Variants in CDH8 observed in about 807,000 individuals in gnomAD.
CDH8 encodes the protein cadherin 8.
Under a neutral mutation model 68.1 loss-of-function variants are expected in CDH8, and 17 were observed. That is an observed-to-expected ratio of 0.25 (90% confidence interval 0.17 to 0.37). The LOEUF (loss-of-function observed/expected upper bound fraction) is 0.37. Ranked by LOEUF, CDH8 falls within the 10% of genes least tolerant of loss-of-function variation. The pLI, the probability that CDH8 is intolerant of heterozygous loss-of-function variation, is 1.00. For missense variants in CDH8, 763 were observed against 999.3 expected (o/e 0.76, Z 3.19); for synonymous variants, 372 against 365.1 (o/e 1.02, Z -0.21).
rs1026892218 is a variant in CDH8, at chr16:61,964,635, T to G, written c.252+56517A>C. ...TCCTAGCTCAACTCTTGAGTGGGTC[T>G]GTGGCCTTGAGTATAGCACTGCTTT... is the stretch of plus-strand genomic sequence containing the variant. On this transcript the variant is annotated intron_variant, in intron 2 of 11. Transcript: ENST00000577390. Among the ~76,000 whole-genome samples the G allele has an allele frequency of 3.3e-5, 5 of 152,108 alleles. No individual in the cohort carries two copies. The East Asian group carries it at 9.7e-4, about 29-fold the overall frequency.
At chr16:61,796,408 T>C (rs1197718126) in intron 7 of CDH8, among the ~76,000 whole-genome samples, 1 of 152,038 alleles carries the variant, frequency 6.6e-6, no homozygotes, top group African/African-American at 2.4e-5. Flanking sequence ...AGCATGCACA[T>C]TGGAGAGTCA....
chr16:61,931,342 T>C (rs1250619919), intron 2 of CDH8, among the ~76,000 whole-genome samples: 1 of 152,104 alleles, frequency 6.6e-6, no homozygotes, highest in Non-Finnish European at 1.5e-5. Context: ...TTTTAAAAAA[T>C]AATTATTATT....
intron 3 of CDH8, among the ~76,000 whole-genome samples, chr16:61,858,695 G>A (rs1963095365): frequency 6.6e-6 from 1 of 152,172 alleles, no homozygotes; most frequent in Non-Finnish European, 1.5e-5. Flanking sequence ...AAACTGGACA[G>A]AAGCATCTGG....
At chr16:61,943,532 A>C (rs140140469) in intron 2 of CDH8, among the ~76,000 whole-genome samples, 2 of 152,238 alleles carry the variant, frequency 1.3e-5, no homozygotes, top group South Asian at 4.1e-4. Flanking sequence ...TAGAGTGGTC[A>C]TTCTACTCTG....
intron 8 of CDH8, among the ~76,000 whole-genome samples, chr16:61,755,980 C>A (rs1960305448): frequency 6.6e-6 from 1 of 152,056 alleles, no homozygotes; most frequent in Admixed American, 6.6e-5. Context: ...ACAACCACGC[C>A]TGGCTAATGT....
At chr16:61,970,202 G>A (rs544746656) in intron 2 of CDH8, among the ~76,000 whole-genome samples, 73 of 152,254 alleles carry the variant, frequency 4.8e-4, no homozygotes, top group Non-Finnish European at 7.9e-4. Flanking sequence ...AGCTTAATGT[G>A]CTGATGTAGA....
chr16:61,652,609 T>C lies in CDH8; in HGVS notation c.*999A>G. 9.7e-7 allele frequency: 1 copy of C among 1,027,430 alleles called. No individual in the cohort carries two copies. The highest frequency in any genetic ancestry group is 1.7e-5 in the African/African-American group (1 of 60,258). 63.6% of individuals were successfully genotyped at this position (1,027,430 alleles called of 1,614,324 possible). A position where few individuals can be genotyped will look rare whatever the true frequency, so the allele number is the denominator to read the frequency against. Reference sequence around the variant, plus strand: ...CTGCCATACTCATCTCATCAAAATGTACATGTATTAAACATTCATTGTATA... The same window carrying C: ...CTGCCATACTCATCTCATCAAAATGCACATGTATTAAACATTCATTGTATA... On this transcript the variant is annotated 3_prime_UTR_variant, in exon 12 of 12. Coordinates refer to ENST00000577390, the MANE Select transcript of CDH8 (RefSeq NM_001796.5).
At chr16:61,951,471 C>T (rs1446877432) in intron 2 of CDH8, among the ~76,000 whole-genome samples, 1 of 149,146 alleles carries the variant, frequency 6.7e-6, no homozygotes, top group Non-Finnish European at 1.5e-5. Flanking sequence ...CGAGATCATG[C>T]CACTGCACTC....
At chr16:61,906,386 G>C (rs1278570323) in intron 2 of CDH8, among the ~76,000 whole-genome samples, 1 of 152,138 alleles carries the variant, frequency 6.6e-6, no homozygotes, top group African/African-American at 2.4e-5. Flanking sequence ...CAAACCCTCT[G>C]GCCACCCACT....
At chr16:61,902,050 A>G (rs1336071217) in intron 2 of CDH8, among the ~76,000 whole-genome samples, 5 of 150,856 alleles carry the variant, frequency 3.3e-5, no homozygotes, top group African/African-American at 1.2e-4. Flanking sequence ...AGTAATTCTA[A>G]TATATTGACT....
chr16:61,747,391 T>A (rs933531652), intron 8 of CDH8, among the ~76,000 whole-genome samples: 4 of 152,050 alleles, frequency 2.6e-5, no homozygotes, highest in African/African-American at 7.2e-5. Flanking sequence ...AATGATGTGC[T>A]AGCTTCAAAA....
intron 2 of CDH8, among the ~76,000 whole-genome samples, chr16:62,006,346 C>T (rs1014805773): frequency 6.6e-6 from 1 of 152,154 alleles, no homozygotes; most frequent in Non-Finnish European, 1.5e-5. Flanking sequence ...GGGGGTGGCA[C>T]AGTTTAGGCA....
At chr16:62,006,430 G>A (rs1479977675) in intron 2 of CDH8, among the ~76,000 whole-genome samples, 1 of 152,056 alleles carries the variant, frequency 6.6e-6, no homozygotes, top group Non-Finnish European at 1.5e-5. Context: ...AGCCAACCTG[G>A]GACAGTGACT....
intron 1 of CDH8, among the ~76,000 whole-genome samples, chr16:62,035,855 C>A (rs962166093): frequency 6.6e-6 from 1 of 152,174 alleles, no homozygotes; most frequent in African/African-American, 2.4e-5. Flanking sequence ...AAGCAGTTTG[C>A]AAAAACAGTC....
chr16:61,947,532 A>G (rs1406153901), intron 2 of CDH8, among the ~76,000 whole-genome samples: 1 of 152,148 alleles, frequency 6.6e-6, no homozygotes, highest in African/African-American at 2.4e-5. Flanking sequence ...CCCCCTATAT[A>G]TGTGAGTCTG....
intron 2 of CDH8, among the ~76,000 whole-genome samples, chr16:62,005,233 C>T (rs1327091302): frequency 6.6e-6 from 1 of 152,174 alleles, no homozygotes; most frequent in Non-Finnish European, 1.5e-5. Flanking sequence ...CCAAGCCTAG[C>T]GAAGTATTCC....
intron 2 of CDH8, among the ~76,000 whole-genome samples, chr16:61,993,838 T>G (rs755886586): frequency 5.9e-5 from 9 of 152,224 alleles, no homozygotes; most frequent in African/African-American, 2.2e-4. Context: ...GTGAACACTA[T>G]TCCATATCTT....
At chr16:61,831,227 C>A (rs1004840824) in intron 4 of CDH8, among the ~76,000 whole-genome samples, 2 of 151,726 alleles carry the variant, frequency 1.3e-5, no homozygotes, top group South Asian at 2.1e-4. Flanking sequence ...CTAATGAGAA[C>A]CCTCCATTCT....
At chr16:61,822,369 A>G (rs1261308558) in intron 5 of CDH8, among the ~76,000 whole-genome samples, 3 of 151,138 alleles carry the variant, frequency 2.0e-5, no homozygotes, top group African/African-American at 7.3e-5. Context: ...CAAACTCAAA[A>G]AACCAAAAAG....
Sources: gnomAD v4.1 joint callset for allele counts (sites outside exome capture counted in the v4.1 genomes callset) on GRCh38, gnomAD v4.1.1 for gene constraint, MANE v1.5 for transcripts, NCBI Gene and HGNC (gene_info 2026-07-23, HGNC 2026-07-21) for gene names.